ELF1: variants seen among roughly 807,000 people sequenced by gnomAD.
The protein encoded by ELF1 is E74 like ETS transcription factor 1.
In ELF1, 24 loss-of-function variants were observed where a neutral mutation model predicts 59.9. The observed-to-expected ratio is 0.40, with a 90% confidence interval of 0.29 to 0.56. The LOEUF (loss-of-function observed/expected upper bound fraction) is 0.56. ELF1 is among the 20% of genes least tolerant of loss of function. The pLI is 0.44. For missense variants in ELF1, 627 were observed against 742.2 expected, an observed-to-expected ratio of 0.84 and a Z score of 1.80; for synonymous variants, 248 against 266.2, an observed-to-expected ratio of 0.93 and a Z score of 0.67.
At chr13:41,028,338 T>C (rs191184876) in intron 1 of ELF1, among the ~76,000 whole-genome samples, 1 of 152,354 alleles carries the variant, frequency 6.6e-6, no homozygotes, top group East Asian at 1.9e-4. Context: ...GGGGCATCTC[T>C]TTGTATTATC....
chr13:40,985,494 C>G (rs866893176), intron 1 of ELF1, among the ~76,000 whole-genome samples: 3 of 152,286 alleles, frequency 2.0e-5, no homozygotes, highest in Middle Eastern at 3.4e-3. Flanking sequence ...ACAGCTGGGC[C>G]TCTAAAATCC....
At chr13:40,992,956 T>C in intron 1 of ELF1, 2 of 872,270 alleles carry the variant, frequency 2.3e-6, no homozygotes, top group Admixed American at 2.0e-5. Context: ...TTGATTACTT[T>C]TTTGTTCTGT....
intron 5 of ELF1, among the ~76,000 whole-genome samples, chr13:40,947,311 G>A (rs1566167504): frequency 6.6e-6 from 1 of 152,180 alleles, no homozygotes. Flanking sequence ...GGGAGGTCGA[G>A]GCGGTGGACC....
In ELF1 at chr13:41,060,914, T is replaced by TGCCGCCGCCGCC. The variant is rs60249003; in HGVS notation, c.-317_-306dup. On this transcript the variant is annotated 5_prime_UTR_variant, in exon 1 of 2. Transcript: ENST00000405737. ...GCCTCTGCGCTACTGAAGCTGCTGC[T>TGCCGCCGCCGCC]GCCGCCGCCGCCGCCGCCGCCGCCG... 2.2e-3 allele frequency: 765 copies of TGCCGCCGCCGCC among 344,962 alleles called. 96 individuals carry two copies. Among genetic ancestry groups the TGCCGCCGCCGCC allele is most frequent in the East Asian group, 0.012 (149 of 12,164 alleles). 21.4% of individuals were successfully genotyped at this position (344,962 alleles called of 1,614,324 possible).
chr13:41,032,140 A>T (rs192750921), intron 1 of ELF1, among the ~76,000 whole-genome samples: 3 of 152,026 alleles, frequency 2.0e-5, no homozygotes, highest in Admixed American at 2.0e-4. Context: ...TTAAAGCAAT[A>T]TCATAGAAGG....
At chr13:41,046,170 A>G (rs9532715) in intron 1 of ELF1, among the ~76,000 whole-genome samples, 50,020 of 151,964 alleles carry the variant, frequency 0.33, 10,013 homozygotes, top group Admixed American at 0.47. Flanking sequence ...TTTTGAGCCT[A>G]TGTGTGTCTC....
chr13:40,974,866 A>G (rs1872805051), intron 2 of ELF1, among the ~76,000 whole-genome samples: 1 of 152,118 alleles, frequency 6.6e-6, no homozygotes. Context: ...CCTTCACTTA[A>G]CCTGAAGAGG....
At chr13:40,948,648 C>A (rs1413772205) in intron 5 of ELF1, among the ~76,000 whole-genome samples, 17 of 152,192 alleles carry the variant, frequency 1.1e-4, no homozygotes, top group Non-Finnish European at 2.4e-4. Flanking sequence ...TGAGTAGAAT[C>A]AGAAGGCAAT....
intron 1 of ELF1, among the ~76,000 whole-genome samples, chr13:41,026,777 A>G (rs1875948070): frequency 6.6e-6 from 1 of 152,168 alleles, no homozygotes; most frequent in African/African-American, 2.4e-5. Context: ...AAAATCATCA[A>G]GTGGAGGTAA....
chr13:41,000,194 G>A (rs1874342318), intron 1 of ELF1, among the ~76,000 whole-genome samples: 1 of 126,294 alleles, frequency 7.9e-6, no homozygotes, highest in Non-Finnish European at 1.6e-5. Flanking sequence ...AGATGCTTTT[G>A]TAAAAATAAT....
intron 1 of ELF1, chr13:40,982,725 A>C (rs1455514115): frequency 3.0e-6 from 1 of 332,508 alleles, no homozygotes; most frequent in African/African-American, 2.2e-5. Flanking sequence ...GATTTATATA[A>C]GGATTTAAAA....
At chr13:40,970,265 T>C (rs1330643333) in intron 2 of ELF1, among the ~76,000 whole-genome samples, 1 of 152,228 alleles carries the variant, frequency 6.6e-6, no homozygotes, top group East Asian at 1.9e-4. Flanking sequence ...AGAACTGGAA[T>C]CTAGACTTAT....
At chr13:40,993,773 C>T (rs889679825) in intron 1 of ELF1, among the ~76,000 whole-genome samples, 4 of 152,298 alleles carry the variant, frequency 2.6e-5, no homozygotes, top group Middle Eastern at 3.4e-3. Flanking sequence ...GCATGAAACA[C>T]TGCACCTGGC....
In ELF1 at chr13:41,013,225, C is replaced by T. The variant is rs144191459; in HGVS notation, c.-229+6003G>A. Among the ~76,000 whole-genome samples the T allele has an allele frequency of 3.5e-3, 535 of 152,230 alleles. 2 individuals carry two copies. Among genetic ancestry groups the T allele is most frequent in the African/African-American group, 0.012 (489 of 41,554 alleles). On this transcript the variant is annotated intron_variant, in intron 1 of 8. Coordinates refer to ENST00000239882, the MANE Select transcript of ELF1 (RefSeq NM_172373.4). Reference sequence around the variant, plus strand: ...AAAGATAATGAAGAACTCTAAATTACATTAAACTATCTATACTCTGCAAAG... The same window carrying T: ...AAAGATAATGAAGAACTCTAAATTATATTAAACTATCTATACTCTGCAAAG...
At position 41,036,118 on chromosome 13, in the gene ELF1, G is replaced by A. The variant is rs147279325; in HGVS notation, c.-229+24720C>T. Among the ~76,000 whole-genome samples the A allele has an allele frequency of 8.7e-3, 1,319 of 151,746 alleles. 19 individuals are homozygous for A. The highest frequency in any genetic ancestry group is 0.03 in the African/African-American group (1,259 of 41,380). ...TTTTTAGTAGAGACAGGATTTCACC[G>A]TGTTAGCCAGGATGGTTTTGAACTC... On this transcript the variant is annotated intron_variant, in intron 1 of 1. Transcript: ENST00000405737.
intron 5 of ELF1, among the ~76,000 whole-genome samples, chr13:40,945,493 T>C (rs1236342853): frequency 2.6e-5 from 4 of 152,138 alleles, no homozygotes; most frequent in South Asian, 2.1e-4. Context: ...GTCGGCTTCT[T>C]TTTTTTGAGT....
chr13:40,960,583 G>A (rs142564612), intron 2 of ELF1, among the ~76,000 whole-genome samples: 1 of 152,212 alleles, frequency 6.6e-6, no homozygotes, highest in East Asian at 1.9e-4. Flanking sequence ...CCATTGCTGG[G>A]GATATTAATT....
intron 1 of ELF1, among the ~76,000 whole-genome samples, chr13:41,042,179 C>T (rs1444525400): frequency 1.3e-5 from 2 of 152,140 alleles, no homozygotes; most frequent in African/African-American, 4.8e-5. Context: ...CATGCCACCA[C>T]ACCCGGCTAA....
chr13:41,035,012 G>A (rs966265362), intron 1 of ELF1, among the ~76,000 whole-genome samples: 1 of 152,170 alleles, frequency 6.6e-6, no homozygotes. Context: ...AATCTCCCAA[G>A]AGCCTTTCTC....
Sources: gnomAD v4.1 joint callset for allele counts (sites outside exome capture counted in the v4.1 genomes callset) on GRCh38, gnomAD v4.1.1 for gene constraint, MANE v1.5 for transcripts, NCBI Gene and HGNC (gene_info 2026-07-23, HGNC 2026-07-21) for gene names.